Variants in PLCH1 observed in about 807,000 individuals in gnomAD.
The protein encoded by PLCH1 is phospholipase C eta 1.
Under a neutral mutation model 126.7 loss-of-function variants are expected in PLCH1, and 60 were observed. That is an observed-to-expected ratio of 0.47 (90% CI 0.38 to 0.59). The LOEUF (loss-of-function observed/expected upper bound fraction) is 0.59. PLCH1 is among the 20% of genes least tolerant of loss of function. PLCH1 has a pLI of 0.00. For synonymous variants in PLCH1, 719 were observed against 734.9 expected, an observed-to-expected ratio of 0.98 and a Z score of 0.35; for missense variants, 1,723 against 2,040.0, an observed-to-expected ratio of 0.84 and a Z score of 2.99.
intron 8 of PLCH1, among the ~76,000 whole-genome samples, chr3:155,564,674 C>G (rs1728083286): frequency 6.6e-6 from 1 of 152,180 alleles, no homozygotes; most frequent in South Asian, 2.1e-4. Context: ...TAATTTTCAT[C>G]ATAATTTCTC....
chr3:155,518,372 T>G (rs1720632429), intron 11 of PLCH1, among the ~76,000 whole-genome samples: 1 of 152,126 alleles, frequency 6.6e-6, no homozygotes. Flanking sequence ...GCAGAAAGGT[T>G]CAGCCACTCA....
At chr3:155,484,695 C>A (rs1714741312) in intron 22 of PLCH1, among the ~76,000 whole-genome samples, 1 of 152,162 alleles carries the variant, frequency 6.6e-6, no homozygotes, top group African/African-American at 2.4e-5. Context: ...GCAAGGCGGT[C>A]TTCACTCTTT....
At chr3:155,606,065 A>G (rs936566633) in intron 2 of PLCH1, among the ~76,000 whole-genome samples, 3 of 152,202 alleles carry the variant, frequency 2.0e-5, no homozygotes, top group Non-Finnish European at 2.9e-5. Context: ...TTTAAGAAAA[A>G]AGAGCTCTAG....
At chr3:155,542,036 G>T (rs150492574) in intron 10 of PLCH1, among the ~76,000 whole-genome samples, 1 of 152,270 alleles carries the variant, frequency 6.6e-6, no homozygotes, top group Non-Finnish European at 1.5e-5. Flanking sequence ...AGTGGGCGCA[G>T]GACAGTGGGT....
chr3:155,629,000 G>A (rs1336795492), intron 2 of PLCH1, among the ~76,000 whole-genome samples: 1 of 152,138 alleles, frequency 6.6e-6, no homozygotes, highest in Non-Finnish European at 1.5e-5. Context: ...GAACAACCTG[G>A]ATTTAAATCC....
chr3:155,493,725 T>C (rs1716595486), intron 17 of PLCH1, among the ~76,000 whole-genome samples: 2 of 152,182 alleles, frequency 1.3e-5, no homozygotes, highest in African/African-American at 4.8e-5. Context: ...GTAATTGGAC[T>C]ACACTGAGTA....
At chr3:155,649,436 C>A (rs1234914004) in intron 2 of PLCH1, among the ~76,000 whole-genome samples, 1 of 152,128 alleles carries the variant, frequency 6.6e-6, no homozygotes, top group Admixed American at 6.5e-5. Context: ...CAGGCATGTA[C>A]CCTTCAGGCA....
intron 21 of PLCH1, among the ~76,000 whole-genome samples, chr3:155,468,050 A>G (rs993988018): frequency 1.6e-4 from 24 of 152,266 alleles, no homozygotes; most frequent in African/African-American, 5.5e-4. Flanking sequence ...ACACCTTTTC[A>G]AGACATAGTC....
intron 7 of PLCH1, among the ~76,000 whole-genome samples, chr3:155,567,584 T>A (rs1382596830): frequency 6.6e-6 from 1 of 152,182 alleles, no homozygotes; most frequent in East Asian, 1.9e-4. Flanking sequence ...GCCTGAAAGA[T>A]CCTCCTCTTG....
At chr3:155,733,568 C>G (rs1424106880) in intron 1 of PLCH1, among the ~76,000 whole-genome samples, 2 of 152,010 alleles carry the variant, frequency 1.3e-5, no homozygotes, top group Non-Finnish European at 1.5e-5. Flanking sequence ...AAAATCAACT[C>G]AAAATAGATT....
chr3:155,469,350 A>C (rs1713068771), intron 21 of PLCH1, among the ~76,000 whole-genome samples: 1 of 152,222 alleles, frequency 6.6e-6, no homozygotes, highest in Admixed American at 6.5e-5. Context: ...TCCCACCCGA[A>C]TACTGCGCTT....
At chr3:155,590,878 CA>C (rs1353101989) in intron 4 of PLCH1, among the ~76,000 whole-genome samples, 1 of 152,002 alleles carries the variant, frequency 6.6e-6, no homozygotes, top group Non-Finnish European at 1.5e-5. Flanking sequence ...TACTATTCAT[CA>C]ATTTATTATT....
At chr3:155,625,299 A>T (rs13060809) in intron 2 of PLCH1, among the ~76,000 whole-genome samples, 20,102 of 152,202 alleles carry the variant, frequency 0.13, 2,025 homozygotes, top group East Asian at 0.43. Flanking sequence ...GCTAGAAAAA[A>T]ACCTAGGCAA....
intron 1 of PLCH1, among the ~76,000 whole-genome samples, chr3:155,718,222 C>T (rs1338964257): frequency 6.6e-6 from 1 of 152,192 alleles, no homozygotes; most frequent in Non-Finnish European, 1.5e-5. Flanking sequence ...ACCTCTTTAG[C>T]TTGAACTTCA....
At position 155,482,609 on chromosome 3, in the gene PLCH1, A is replaced by G; in HGVS notation, c.3417T>C (p.Ala1139=). The G allele has an allele frequency of 6.2e-7, 1 of 1,614,224 alleles. No individual in the cohort carries two copies. Among genetic ancestry groups the G allele is most frequent in the South Asian group, 1.1e-5 (1 of 91,082 alleles). Residue 1139 remains alanine, a synonymous_variant, in exon 23 of 23, where the codon GCT becomes GCC. Transcript: ENST00000460012. ...CGTCTGACAAAGAAAAGGATGTTGCAGCTCGGCCCTTACCCCTATTACCTT... is the reference window on the plus strand; with the variant it reads ...CGTCTGACAAAGAAAAGGATGTTGCGGCTCGGCCCTTACCCCTATTACCTT... ...NLEGNRGKGR[A]ATSFSLSDVS... is the part of the protein sequence containing the mutation.
chr3:155,677,260 C>T (rs575281202), intron 2 of PLCH1, among the ~76,000 whole-genome samples: 2 of 152,318 alleles, frequency 1.3e-5, no homozygotes, highest in African/African-American at 4.8e-5. Flanking sequence ...CAGGGCCACC[C>T]AGCCTAGATT....
intron 1 of PLCH1, among the ~76,000 whole-genome samples, chr3:155,738,906 G>A (rs1009717490): frequency 6.6e-5 from 10 of 151,632 alleles, no homozygotes; most frequent in African/African-American, 2.4e-4. Context: ...AACCAAGATC[G>A]TGCCAGTGAC....
chr3:155,496,593 T>G, intron 15 of PLCH1, among the ~76,000 whole-genome samples: 1 of 152,140 alleles, frequency 6.6e-6, no homozygotes, highest in East Asian at 1.9e-4. Flanking sequence ...CACTAAAACT[T>G]GTTGAGAAAT....
At chr3:155,490,143 T>C (rs1715954881) in intron 19 of PLCH1, among the ~76,000 whole-genome samples, 1 of 152,218 alleles carries the variant, frequency 6.6e-6, no homozygotes, top group South Asian at 2.1e-4. Context: ...GTGCTTCAAA[T>C]GTATTTTACA....
Sources: gnomAD v4.1 joint callset for allele counts (sites outside exome capture counted in the v4.1 genomes callset) on GRCh38, gnomAD v4.1.1 for gene constraint, MANE v1.5 for transcripts, NCBI Gene and HGNC (gene_info 2026-07-23, HGNC 2026-07-21) for gene names.